The following AGAP1 variants were observed in gnomAD, a reference collection of about 807,000 sequenced individuals.
AGAP1 encodes ArfGAP with GTPase domain, ankyrin repeat and PH domain 1, also known as arf-GAP with GTPase, ANK repeat and PH domain-containing protein 1.
A neutral mutation model predicts 105.3 loss-of-function variants in AGAP1; 29 were observed. That is an observed-to-expected ratio of 0.28 (90% confidence interval 0.21 to 0.38). The LOEUF (loss-of-function observed/expected upper bound fraction) is 0.38. AGAP1 is among the 10% of genes least tolerant of loss of function. AGAP1 has a pLI of 1.00. For synonymous variants in AGAP1, 509 were observed against 485.9 expected (o/e 1.05, Z -0.63); for missense variants, 998 against 1,165.1 (o/e 0.86, Z 2.09).
At chr2:235,670,406 C>A in intron 1 of AGAP1, 2 of 569,176 alleles carry the variant, frequency 3.5e-6, no homozygotes, top group Non-Finnish European at 6.4e-6. Context: ...CACCGGGCAG[C>A]TGGAACTGGG....
chr2:235,952,865 AAATTACC>A (rs2053797317), intron 12 of AGAP1, among the ~76,000 whole-genome samples: 1 of 152,152 alleles, frequency 6.6e-6, no homozygotes, highest in Non-Finnish European at 1.5e-5. Context: ...CACTGTGGAT[AAATTACC>A]AGTGGAACCC....
chr2:236,047,833 C>T (rs946457476), intron 15 of AGAP1, among the ~76,000 whole-genome samples: 1 of 151,956 alleles, frequency 6.6e-6, no homozygotes, highest in African/African-American at 2.4e-5. Context: ...AACTCCTGAC[C>T]TCAGGTGATC....
chr2:235,956,430 G>A (rs2053953232), intron 12 of AGAP1, among the ~76,000 whole-genome samples: 1 of 152,126 alleles, frequency 6.6e-6, no homozygotes, highest in Admixed American at 6.5e-5. Context: ...CAGGCTTTCT[G>A]CCTCACTTGG....
chr2:235,698,148 G>T (rs1311130744), intron 1 of AGAP1, among the ~76,000 whole-genome samples: 1 of 152,132 alleles, frequency 6.6e-6, no homozygotes, highest in African/African-American at 2.4e-5. Flanking sequence ...TCCCTCACAG[G>T]TGTGGTTCAC....
intron 1 of AGAP1, among the ~76,000 whole-genome samples, chr2:235,530,130 G>A (rs2316437): frequency 0.83 from 126,577 of 152,030 alleles, 52,858 homozygotes; most frequent in East Asian, 0.98. Context: ...ACTCCCCGTA[G>A]GACTACAAGA....
chr2:235,592,089 T>C (rs1035850810), intron 1 of AGAP1, among the ~76,000 whole-genome samples: 1 of 152,198 alleles, frequency 6.6e-6, no homozygotes, highest in East Asian at 1.9e-4. Flanking sequence ...CAGTCATACA[T>C]TGAAGTGGCG....
intron 16 of AGAP1, among the ~76,000 whole-genome samples, chr2:236,075,424 G>A (rs2058610061): frequency 6.6e-6 from 1 of 152,174 alleles, no homozygotes; most frequent in South Asian, 2.1e-4. Context: ...TAAGACAGAT[G>A]AATGGGGGAT....
At chr2:235,928,846 G>A (rs2052579860) in intron 11 of AGAP1, among the ~76,000 whole-genome samples, 1 of 152,170 alleles carries the variant, frequency 6.6e-6, no homozygotes, top group African/African-American at 2.4e-5. Flanking sequence ...GTGCCATGTC[G>A]CCAGCTCTGG....
chr2:235,658,697 C>T (rs2149335429), intron 1 of AGAP1, among the ~76,000 whole-genome samples: 1 of 152,228 alleles, frequency 6.6e-6, no homozygotes, highest in East Asian at 1.9e-4. Flanking sequence ...CCAGCCTTTC[C>T]AGGAACTCTG....
chr2:235,584,202 T>A (rs1945026623), intron 1 of AGAP1, among the ~76,000 whole-genome samples: 1 of 151,350 alleles, frequency 6.6e-6, no homozygotes, highest in Admixed American at 6.6e-5. Context: ...ACTTTTTTTT[T>A]TTTTTTTGCA....
In AGAP1 at chr2:236,049,049, C is replaced by T; in HGVS notation, c.1892-10C>T. The T allele has an allele frequency of 6.2e-7, 1 of 1,611,728 alleles. No individual in the cohort carries two copies. The highest frequency in any genetic ancestry group is 8.5e-7 in the Non-Finnish European group (1 of 1,178,214). On this transcript the variant is annotated splice_polypyrimidine_tract_variant and intron_variant, in intron 15 of 17. Coordinates refer to ENST00000304032, the MANE Select transcript of AGAP1 (RefSeq NM_001037131.3). ...TGATTGCGTTTAGCGTTCTGTTCCT[C>T]TTCCCGTAGATCCCAACTGGGCCAG... is the stretch of plus-strand genomic sequence containing the variant.
At position 235,977,576 on chromosome 2, in the gene AGAP1, T is replaced by C. The variant is rs1161689916; in HGVS notation, c.1645+8953T>C. Among the ~76,000 whole-genome samples, 1 of 152,154 alleles carries C rather than the reference T, an allele frequency of 6.6e-6. No homozygotes were observed. ...CTGCAGCCCTCAGATGTTCCCACGC[T>C]CTGTTAGACACATGCGGCCTGGGCT... On this transcript the variant is annotated intron_variant, in intron 13 of 17. Transcript: ENST00000304032. The surrounding 1 kb of genome is among the most constrained non-coding windows in gnomAD (Gnocchi z 5.2).
At chr2:236,018,416 G>A (rs1325688169) in intron 13 of AGAP1, among the ~76,000 whole-genome samples, 1 of 152,222 alleles carries the variant, frequency 6.6e-6, no homozygotes, top group Admixed American at 6.5e-5. Context: ...AAACTCGGGA[G>A]GGAGGCCTCT....
At chr2:235,526,069 G>A (rs1211491964) in intron 1 of AGAP1, among the ~76,000 whole-genome samples, 2 of 48,222 alleles carry the variant, frequency 4.1e-5, no homozygotes, top group African/African-American at 1.3e-4. Flanking sequence ...ATAATGTGGA[G>A]GACTGATTTA....
intron 2 of AGAP1, among the ~76,000 whole-genome samples, chr2:235,715,972 C>T (rs986519498): frequency 2.0e-5 from 3 of 152,094 alleles, no homozygotes; most frequent in Non-Finnish European, 2.9e-5. Flanking sequence ...AGGTGGCGTA[C>T]GGATGTATAT....
At chr2:235,861,551 C>G (rs1011510730) in intron 9 of AGAP1, among the ~76,000 whole-genome samples, 3 of 152,176 alleles carry the variant, frequency 2.0e-5, no homozygotes, top group African/African-American at 7.2e-5. Context: ...CCAAGCTGTC[C>G]CACGTTAACT....
rs75636505 is a variant in AGAP1 at position 235,866,332 on chromosome 2, G to A, written c.1051-17013G>A. 0.011 allele frequency among the ~76,000 whole-genome samples: 1,705 copies of A among 152,278 alleles called. 36 individuals carry two copies. The highest frequency in any genetic ancestry group is 0.039 in the African/African-American group (1,607 of 41,544). ...GTCCTGACTCCCCAGAATTCCCACC[G>A]AGGGAGACAATCCGTGTGTGTGATC... On this transcript the variant is annotated intron_variant, in intron 9 of 17. Transcript: ENST00000304032. The surrounding 1 kb of genome is among the most constrained non-coding windows in gnomAD (Gnocchi z 6.1).
chr2:235,628,939 G>A (rs1490552925), intron 1 of AGAP1, among the ~76,000 whole-genome samples: 2 of 152,116 alleles, frequency 1.3e-5, no homozygotes, highest in East Asian at 3.9e-4. Context: ...AGCCTCCCGA[G>A]TAGCTGGGAT....
rs571553956 is a variant in AGAP1 at position 236,051,251 on chromosome 2, G to A, written c.2114+1970G>A. 6.6e-6 allele frequency among the ~76,000 whole-genome samples: 1 copy of A among 152,202 alleles called. No individual in the cohort carries two copies. Among genetic ancestry groups the A allele is most frequent in the Non-Finnish European group, 1.5e-5 (1 of 68,038 alleles). The stretch of plus-strand genomic sequence containing the variant: ...ATACGAGAACTGAATATTTCTTTGT[G>A]CCTGTAGTAATTTTCCTGGGGAGTT... On this transcript the variant is annotated intron_variant, in intron 16 of 17. Coordinates refer to ENST00000304032, the MANE Select transcript of AGAP1 (RefSeq NM_001037131.3). The surrounding 1 kb of genome is among the most constrained non-coding windows in gnomAD (Gnocchi z 5.9).
Sources: gnomAD v4.1 joint callset for allele counts (sites outside exome capture counted in the v4.1 genomes callset) on GRCh38, gnomAD v4.1.1 for gene constraint, Gnocchi (gnomAD v3.1) non-coding constraint, MANE v1.5 for transcripts, NCBI Gene and HGNC (gene_info 2026-07-23, HGNC 2026-07-21) for gene names.